NAPB: variants seen among roughly 807,000 people sequenced by gnomAD.
NAPB encodes the protein NSF attachment protein beta, also known as beta-soluble NSF attachment protein.
NAPB carries 26 observed loss-of-function variants against 44.7 expected under a neutral mutation model. That is an observed-to-expected ratio of 0.58 (90% CI 0.43 to 0.81). NAPB has a LOEUF of 0.81. Ranked by LOEUF, NAPB falls within the 30% of genes least tolerant of loss-of-function variation. The pLI, the probability that NAPB is intolerant of heterozygous loss-of-function variation, is 0.00. For missense variants in NAPB, 315 were observed against 356.4 expected, an observed-to-expected ratio of 0.88 and a Z score of 0.94; for synonymous variants, 120 against 116.8, an observed-to-expected ratio of 1.03 and a Z score of -0.18.
intron 7 of NAPB, among the ~76,000 whole-genome samples, chr20:23,389,707 T>A (rs1358845383): frequency 2.0e-5 from 3 of 152,154 alleles, no homozygotes; most frequent in Non-Finnish European, 4.4e-5. Context: ...GAGAGTAGAT[T>A]GTGTCTTCCA....
intron 1 of NAPB, among the ~76,000 whole-genome samples, chr20:23,414,248 G>A (rs1985854365): frequency 6.6e-6 from 1 of 152,178 alleles, no homozygotes; most frequent in Non-Finnish European, 1.5e-5. Flanking sequence ...CTTAAGCCTG[G>A]GAGGCGGAGG....
chr20:23,380,134 C>T (rs1054656028), intron 8 of NAPB, among the ~76,000 whole-genome samples, 199 bp from the exon 9 acceptor site: 1 of 152,212 alleles, frequency 6.6e-6, no homozygotes, highest in African/African-American at 2.4e-5. Flanking sequence ...TTCTAAACTA[C>T]TTTTTTCTGA....
At chr20:23,415,765 G>A (rs1047642482) in intron 1 of NAPB, among the ~76,000 whole-genome samples, 3 of 151,618 alleles carry the variant, frequency 2.0e-5, no homozygotes, top group African/African-American at 7.3e-5. Flanking sequence ...CCCGGAGTTG[G>A]AGACAAGCCT....
At position 23,397,430 on chromosome 20, in the gene NAPB, C is replaced by T. The variant is rs1984452043; in HGVS notation, c.179-242G>A. On this transcript the variant is annotated intron_variant, in intron 2 of 10. Transcript: ENST00000377026. Reference sequence around the variant, plus strand: ...CAGACTTTCCAAGTGTCCCTGGGCACTAAGCCACTATTCCCTGATCTGTCC... The same window carrying T: ...CAGACTTTCCAAGTGTCCCTGGGCATTAAGCCACTATTCCCTGATCTGTCC... 2.0e-5 allele frequency among the ~76,000 whole-genome samples: 3 copies of T among 152,234 alleles called. No individual in the cohort carries two copies. In the South Asian group the frequency reaches 6.2e-4, roughly 32 times the overall value.
intron 7 of NAPB, among the ~76,000 whole-genome samples, chr20:23,387,095 T>C (rs530557929): frequency 6.8e-4 from 103 of 152,206 alleles, no homozygotes; most frequent in Middle Eastern, 3.4e-3. Context: ...TTTATCTCAA[T>C]AGATGCAGAA....
rs186871469 is a variant in NAPB at position 23,412,178 on chromosome 20, T to C, written c.99-9106A>G. ...AGTGTCATCATTCTCTACTCTGGAA[T>C]GTAGCACTTATCCGGTATATATACT... On this transcript the variant is annotated intron_variant, in intron 1 of 10. Transcript: ENST00000377026. Among the ~76,000 whole-genome samples the C allele has an allele frequency of 5.5e-4, 84 of 152,322 alleles. 1 individual carries two copies. The East Asian group carries it at 0.015, about 27-fold the overall frequency.
chr20:23,389,579 A>G (rs535295596), intron 7 of NAPB, among the ~76,000 whole-genome samples: 46 of 152,366 alleles, frequency 3.0e-4, no homozygotes, highest in Admixed American at 2.1e-3. Context: ...GACATTTGCT[A>G]TGACATGGAT....
intron 1 of NAPB, among the ~76,000 whole-genome samples, chr20:23,403,603 C>CAAAAAAAAAAA (rs200464480): frequency 2.5e-5 from 3 of 121,168 alleles, no homozygotes; most frequent in South Asian, 2.8e-4. Context: ...AACTATGTCT[C>CAAAAAAAAAAA]AAAAAAAAAA....
chr20:23,415,885 G>A (rs1260296236), intron 1 of NAPB, among the ~76,000 whole-genome samples: 2 of 152,078 alleles, frequency 1.3e-5, no homozygotes, highest in Non-Finnish European at 2.9e-5. Context: ...AGGATCTCTT[G>A]AGCTCAGGAG....
intron 2 of NAPB, among the ~76,000 whole-genome samples, chr20:23,401,062 T>G (rs1984801463): frequency 6.6e-6 from 1 of 151,240 alleles, no homozygotes; most frequent in Admixed American, 6.6e-5. Context: ...CACCAATAAG[T>G]TGACATGTGA....
intron 7 of NAPB, among the ~76,000 whole-genome samples, chr20:23,389,668 G>A (rs1236947024): frequency 6.6e-6 from 1 of 152,154 alleles, no homozygotes; most frequent in Non-Finnish European, 1.5e-5. Context: ...ATATATTCAA[G>A]GTTCAGAATA....
intron 3 of NAPB, 77 bp from the exon 4 acceptor site, chr20:23,395,262 G>A (rs1984267298): frequency 2.0e-6 from 3 of 1,502,464 alleles, no homozygotes. Flanking sequence ...TGTCTTCCTG[G>A]CTGTTATCAG....
intron 1 of NAPB, among the ~76,000 whole-genome samples, chr20:23,411,848 T>C (rs1288547650): frequency 2.6e-5 from 4 of 152,022 alleles, no homozygotes; most frequent in Admixed American, 6.6e-5. Context: ...TGAAGACAAA[T>C]AGCAATGAAA....
chr20:23,385,546 G>A (rs1019952532), intron 7 of NAPB, among the ~76,000 whole-genome samples: 1 of 151,976 alleles, frequency 6.6e-6, no homozygotes, highest in Non-Finnish European at 1.5e-5. Flanking sequence ...GATCATTTGA[G>A]GCCAGGAATT....
chr20:23,397,438 C>T (rs1984452684), intron 2 of NAPB, among the ~76,000 whole-genome samples: 1 of 152,226 alleles, frequency 6.6e-6, no homozygotes, highest in Admixed American at 6.5e-5. Flanking sequence ...CACTAAGCCA[C>T]TATTCCCTGA....
intron 1 of NAPB, among the ~76,000 whole-genome samples, chr20:23,417,621 C>T (rs1986099338): frequency 6.6e-6 from 1 of 152,226 alleles, no homozygotes; most frequent in East Asian, 1.9e-4. Flanking sequence ...AACTAAAGGA[C>T]AAGACAACTC....
intron 5 of NAPB, 119 bp downstream of exon 5, chr20:23,394,803 A>T: frequency 6.3e-6 from 6 of 959,162 alleles, no homozygotes; most frequent in Non-Finnish European, 9.4e-6. Context: ...GAAAGTCTCC[A>T]GGCAAGGCCA....
At chr20:23,388,891 T>G (rs897994721) in intron 7 of NAPB, among the ~76,000 whole-genome samples, 3 of 151,650 alleles carry the variant, frequency 2.0e-5, no homozygotes, top group Non-Finnish European at 4.4e-5. Context: ...AAAGAAAAAA[T>G]AGACAAACTG....
At chr20:23,417,900 A>G (rs1000194876) in intron 1 of NAPB, among the ~76,000 whole-genome samples, 7 of 152,182 alleles carry the variant, frequency 4.6e-5, no homozygotes, top group African/African-American at 1.2e-4. Flanking sequence ...TTTGACTGAC[A>G]TGTTCTCATA....
Sources: allele counts gnomAD v4.1 joint callset (sites outside exome capture counted in the v4.1 genomes callset), GRCh38; gene constraint gnomAD v4.1.1; transcripts MANE v1.5; gene names NCBI Gene and HGNC (gene_info 2026-07-23, HGNC 2026-07-21).